Variants in GPR137C observed in about 807,000 individuals in gnomAD.
GPR137C encodes the protein G protein-coupled receptor 137C, also known as integral membrane protein GPR137C.
In GPR137C, 27 loss-of-function variants were observed where a neutral mutation model predicts 43.4. That is an observed-to-expected ratio of 0.62 (90% CI 0.46 to 0.86). The LOEUF is 0.86. Ranked by LOEUF, GPR137C falls within the 40% of genes least tolerant of loss-of-function variation. GPR137C has a pLI of 0.00. For synonymous variants in GPR137C, 285 were observed against 226.9 expected, an observed-to-expected ratio of 1.26 and a Z score of -2.30; for missense variants, 522 against 534.6, an observed-to-expected ratio of 0.98 and a Z score of 0.23.
chr14:52,575,102 G>C (rs7146934), intron 1 of GPR137C, among the ~76,000 whole-genome samples: 1 of 151,998 alleles, frequency 6.6e-6, no homozygotes, highest in Non-Finnish European at 1.5e-5. Flanking sequence ...TCAATGAAAT[G>C]TTTATAGTAA....
At chr14:52,606,323 A>G (rs2038983334) in intron 3 of GPR137C, among the ~76,000 whole-genome samples, 1 of 152,174 alleles carries the variant, frequency 6.6e-6, no homozygotes. Flanking sequence ...ATTTGTTGGC[A>G]TGTAGTTCGT....
At chr14:52,589,551 C>T (rs2038755621) in intron 1 of GPR137C, among the ~76,000 whole-genome samples, 1 of 152,044 alleles carries the variant, frequency 6.6e-6, no homozygotes. Context: ...GTGGAGATGG[C>T]AAAAGTGGAT....
intron 3 of GPR137C, among the ~76,000 whole-genome samples, chr14:52,626,402 C>G (rs573649582): frequency 6.6e-6 from 1 of 151,668 alleles, no homozygotes; most frequent in Non-Finnish European, 1.5e-5. Context: ...ACCACATAAT[C>G]ATTTCAATAA....
At chr14:52,594,461 T>A (rs999465848) in intron 1 of GPR137C, among the ~76,000 whole-genome samples, 4 of 152,172 alleles carry the variant, frequency 2.6e-5, no homozygotes, top group Non-Finnish European at 5.9e-5. Flanking sequence ...TAAGTCTCTT[T>A]GTAGATCTCT....
chr14:52,565,794 A>T (rs943146758), intron 1 of GPR137C, among the ~76,000 whole-genome samples: 1 of 152,218 alleles, frequency 6.6e-6, no homozygotes, highest in East Asian at 1.9e-4. Context: ...TAACTTTGGT[A>T]AAGGGGTATG....
chr14:52,577,514 G>GCACACACACACA (rs752625898), intron 1 of GPR137C, among the ~76,000 whole-genome samples: 2,324 of 118,412 alleles, frequency 0.02, 30 homozygotes, highest in Admixed American at 0.032. Context: ...GTGCGCGCGC[G>GCACACACACACA]CGCACACACA....
chr14:52,618,869 A>G (rs1257241149), intron 3 of GPR137C, among the ~76,000 whole-genome samples: 2 of 148,534 alleles, frequency 1.3e-5, no homozygotes, highest in South Asian at 2.1e-4. Context: ...TGAAAGACCA[A>G]TCAAAGAATG....
intron 1 of GPR137C, among the ~76,000 whole-genome samples, chr14:52,571,608 A>G (rs1255420060): frequency 6.6e-6 from 1 of 152,134 alleles, no homozygotes; most frequent in African/African-American, 2.4e-5. Context: ...CGGGAGGTGG[A>G]GGTTGCAGTG....
chr14:52,611,779 C>A (rs2039041586), intron 3 of GPR137C: 1 of 412,320 alleles, frequency 2.4e-6, no homozygotes, highest in African/African-American at 2.2e-5. Context: ...TGACTTTAAC[C>A]TCTCTGTCCA....
At chr14:52,572,286 CACA>C (rs1414945742) in intron 1 of GPR137C, among the ~76,000 whole-genome samples, 1 of 152,104 alleles carries the variant, frequency 6.6e-6, no homozygotes, top group African/African-American at 2.4e-5. Context: ...CTGGCAGAGA[CACA>C]ACAAAAAAGG....
chr14:52,619,550 C>G (rs1453491989), intron 3 of GPR137C, among the ~76,000 whole-genome samples: 1 of 152,086 alleles, frequency 6.6e-6, no homozygotes, highest in East Asian at 1.9e-4. Flanking sequence ...CTGAGCTGAC[C>G]CACCACACCT....
intron 3 of GPR137C, chr14:52,613,616 C>A: frequency 5.0e-6 from 1 of 199,474 alleles, no homozygotes; most frequent in Non-Finnish European, 1.0e-5. Context: ...GTTTGTCTTT[C>A]TGTGCCTGGC....
chr14:52,593,009 A>G (rs761360364), intron 1 of GPR137C, among the ~76,000 whole-genome samples: 1 of 152,178 alleles, frequency 6.6e-6, no homozygotes, highest in Non-Finnish European at 1.5e-5. Context: ...TGTTGCATCA[A>G]TTCCTAGTTT....
intron 1 of GPR137C, among the ~76,000 whole-genome samples, chr14:52,573,728 C>T (rs1298562639): frequency 6.6e-6 from 1 of 152,112 alleles, no homozygotes; most frequent in East Asian, 1.9e-4. Context: ...CAAATGGGAT[C>T]TAATTAAACT....
chr14:52,595,120 T>C (rs1231603203), intron 1 of GPR137C, among the ~76,000 whole-genome samples: 1 of 152,204 alleles, frequency 6.6e-6, no homozygotes, highest in African/African-American at 2.4e-5. Context: ...GAAAATTCTT[T>C]TCTTTAAGAA....
intron 1 of GPR137C, among the ~76,000 whole-genome samples, chr14:52,580,791 ATATTTATATTTATATAT>A (rs1366390709): frequency 6.9e-6 from 1 of 144,228 alleles, no homozygotes; most frequent in Non-Finnish European, 1.5e-5. Context: ...TCTACTAAAT[ATATTTATATTTATATAT>A]TATTTATATT....
At chr14:52,594,132 G>T (rs1172371002) in intron 1 of GPR137C, among the ~76,000 whole-genome samples, 1 of 152,192 alleles carries the variant, frequency 6.6e-6, no homozygotes, top group Non-Finnish European at 1.5e-5. Context: ...CCATGTAGTT[G>T]TGCAGTTCTG....
chr14:52,562,390 T>G (rs1449660581), intron 1 of GPR137C, among the ~76,000 whole-genome samples: 1 of 152,196 alleles, frequency 6.6e-6, no homozygotes, highest in Admixed American at 6.5e-5. Flanking sequence ...TTGGCTATTA[T>G]TAAATTTTAA....
In GPR137C at chr14:52,595,088, T is replaced by G. The variant is rs889190037; in HGVS notation, c.445-3184T>G. 1.2e-4 allele frequency among the ~76,000 whole-genome samples: 19 copies of G among 152,292 alleles called. 1 individual carries two copies. The highest frequency in any genetic ancestry group is 1.7e-4 in the African/African-American group (7 of 41,564). ...TCCTTCGCTTATGAAGCTTAGTTTG[T>G]CTGGATATGAAATTCTGGGTTGAAA... is the stretch of plus-strand genomic sequence containing the variant. On this transcript the variant is annotated intron_variant, in intron 1 of 6. Coordinates refer to ENST00000321662, the MANE Select transcript of GPR137C (RefSeq NM_001099652.2).
Sources: allele counts gnomAD v4.1 joint callset (sites outside exome capture counted in the v4.1 genomes callset), GRCh38; gene constraint gnomAD v4.1.1; transcripts MANE v1.5; gene names NCBI Gene and HGNC (gene_info 2026-07-23, HGNC 2026-07-21).